SYTL3: variants seen among roughly 807,000 people sequenced by gnomAD.
SYTL3 encodes synaptotagmin-like protein 3.
A neutral mutation model predicts 82.1 loss-of-function variants in SYTL3; 88 were observed. The observed-to-expected ratio is 1.07, with a 90% CI of 0.90 to 1.28. The LOEUF is 1.28. Ranked by LOEUF, SYTL3 falls within the 50% of genes most tolerant of loss-of-function variation. SYTL3 has a pLI of 0.00. For synonymous variants in SYTL3, 311 were observed against 289.4 expected (o/e 1.07, Z -0.76); for missense variants, 831 against 757.6 (o/e 1.10, Z -1.14).
At chr6:158,739,772 C>T (rs1393663556) in intron 11 of SYTL3, among the ~76,000 whole-genome samples, 1 of 152,126 alleles carries the variant, frequency 6.6e-6, no homozygotes, top group Non-Finnish European at 1.5e-5. Flanking sequence ...ACCTTGGCCT[C>T]CCAAAGCACT....
intron 6 of SYTL3, among the ~76,000 whole-genome samples, chr6:158,684,272 G>A (rs918073796): frequency 3.9e-5 from 6 of 152,192 alleles, no homozygotes; most frequent in Admixed American, 2.0e-4. Flanking sequence ...GTTGGGGGAC[G>A]TGATTGCGGG....
intron 11 of SYTL3, among the ~76,000 whole-genome samples, chr6:158,734,094 C>CAA (rs560547617): frequency 0.014 from 1,013 of 74,028 alleles, 22 homozygotes; most frequent in Middle Eastern, 0.024. Flanking sequence ...GACCCTGTCT[C>CAA]AAAAAAAAAA....
chr6:158,700,606 T>A (rs1214307501), intron 6 of SYTL3, among the ~76,000 whole-genome samples: 2 of 151,826 alleles, frequency 1.3e-5, no homozygotes, highest in Non-Finnish European at 2.9e-5. Context: ...GCTACTGATG[T>A]TGTATGTATG....
intron 5 of SYTL3, among the ~76,000 whole-genome samples, chr6:158,670,717 G>A (rs757355150): frequency 6.6e-6 from 1 of 152,100 alleles, no homozygotes. Flanking sequence ...GGGGGGCGAA[G>A]GTTGCAATGA....
At chr6:158,655,592 T>C (rs1412782065) in intron 2 of SYTL3, among the ~76,000 whole-genome samples, 1 of 152,222 alleles carries the variant, frequency 6.6e-6, no homozygotes, top group Non-Finnish European at 1.5e-5. Context: ...ATCTGGCCCT[T>C]GAAGGGCTAA....
chr6:158,696,343 G>A (rs1310239941), intron 6 of SYTL3, among the ~76,000 whole-genome samples: 2 of 151,668 alleles, frequency 1.3e-5, no homozygotes, highest in African/African-American at 2.4e-5. Flanking sequence ...GGGACTACAG[G>A]TGCATGCCAC....
intron 13 of SYTL3, among the ~76,000 whole-genome samples, chr6:158,756,617 CAGG>C (rs1259027043): frequency 6.7e-6 from 1 of 149,516 alleles, no homozygotes; most frequent in African/African-American, 2.5e-5. Context: ...GAGGCTAAGG[CAGG>C]AGAATCGCTT....
At chr6:158,680,877 AGTT>A (rs1400965330) in intron 5 of SYTL3, among the ~76,000 whole-genome samples, 13 of 81,478 alleles carry the variant, frequency 1.6e-4, no homozygotes, top group Non-Finnish European at 1.2e-4. Context: ...AAGGAGAGAA[AGTT>A]AGTTGATATC....
intron 8 of SYTL3, among the ~76,000 whole-genome samples, chr6:158,711,453 C>T (rs1047745385): frequency 1.3e-5 from 2 of 152,156 alleles, no homozygotes; most frequent in African/African-American, 2.4e-5. Context: ...CTCCACAAGC[C>T]ATCTGCAAAC....
intron 11 of SYTL3, among the ~76,000 whole-genome samples, chr6:158,744,705 C>G (rs886269820): frequency 1.3e-5 from 2 of 152,108 alleles, no homozygotes; most frequent in African/African-American, 4.8e-5. Context: ...ATCAGTTAGG[C>G]TTGTCTTCCT....
Position 158,663,138 on chromosome 6 carries a change from A to C in SYTL3, c.-131A>C. The C allele has an allele frequency of 1.5e-6, 1 of 685,016 alleles. No individual in the cohort carries two copies. The highest frequency in any genetic ancestry group is 2.5e-6 in the Non-Finnish European group (1 of 398,868). The allele number at this position is 685,016 out of a possible 1,614,324, so 42.4% of individuals were successfully genotyped here. A position where few individuals can be genotyped will look rare whatever the true frequency, so the allele number is the denominator to read the frequency against. ...AAGAACCACAAGCAAAACAGTTGCCAGTGAAATAGGAGAGGGAGCTCTTTA... is the reference window on the plus strand; with the variant it reads ...AAGAACCACAAGCAAAACAGTTGCCCGTGAAATAGGAGAGGGAGCTCTTTA... On this transcript the variant is annotated 5_prime_UTR_variant, in exon 4 of 18. Transcript: ENST00000611299.
chr6:158,720,677 G>A (rs1447169793), intron 10 of SYTL3, among the ~76,000 whole-genome samples: 1 of 152,148 alleles, frequency 6.6e-6, no homozygotes, highest in Non-Finnish European at 1.5e-5. Flanking sequence ...CAGATGCCTG[G>A]CATTGTTCTC....
chr6:158,683,215 C>CTTTTTTTTTTTT (rs35183958), intron 6 of SYTL3, among the ~76,000 whole-genome samples: 1 of 92,112 alleles, frequency 1.1e-5, no homozygotes, highest in Non-Finnish European at 2.0e-5. Context: ...GGCCCTATTC[C>CTTTTTTTTTTTT]TTTTTTTTTT....
intron 10 of SYTL3, among the ~76,000 whole-genome samples, chr6:158,720,075 T>TG (rs1429618654): frequency 6.7e-6 from 1 of 148,524 alleles, no homozygotes; most frequent in East Asian, 2.0e-4. Context: ...GGTGACAGAG[T>TG]GAAACCCTGT....
At chr6:158,650,013 CAAG>C (rs1562332543), upstream of SYTL3, 1 of 152,036 alleles carries the variant, frequency 6.6e-6, no homozygotes. Context: ...GTTACTCTAA[CAAG>C]AAGAATTGAC....
At chr6:158,717,315 T>C (rs1348934907) in intron 9 of SYTL3, among the ~76,000 whole-genome samples, 6 of 152,272 alleles carry the variant, frequency 3.9e-5, no homozygotes, top group East Asian at 3.9e-4. Context: ...CCTGTTTTTT[T>C]TTTTTTAACT....
chr6:158,692,295 A>AAAAAG (rs1779984120), intron 6 of SYTL3, among the ~76,000 whole-genome samples: 1 of 144,934 alleles, frequency 6.9e-6, no homozygotes, highest in African/African-American at 2.6e-5. Flanking sequence ...AAAAAAAAAA[A>AAAAAG]GGGTTAAATG....
At chr6:158,716,019 G>A (rs1167034348) in intron 9 of SYTL3, among the ~76,000 whole-genome samples, 1 of 152,146 alleles carries the variant, frequency 6.6e-6, no homozygotes. Context: ...CTGAAGGGTG[G>A]CTTTGCCCCT....
intron 6 of SYTL3, among the ~76,000 whole-genome samples, chr6:158,701,337 CTGGGGTGTAG>C: frequency 2.9e-5 from 3 of 103,306 alleles, no homozygotes; most frequent in African/African-American, 9.8e-5. Context: ...GGAGTGTGAG[CTGGGGTGTAG>C]ATGAAGGAGT....
Sources: gnomAD v4.1 joint callset for allele counts (sites outside exome capture counted in the v4.1 genomes callset) on GRCh38, gnomAD v4.1.1 for gene constraint, MANE v1.5 for transcripts, NCBI Gene and HGNC (gene_info 2026-07-23, HGNC 2026-07-21) for gene names.